Variants in ACADS observed in about 807,000 individuals in gnomAD.
ACADS encodes the protein short-chain specific acyl-CoA dehydrogenase, mitochondrial.
ACADS carries 28 observed loss-of-function variants against 46.8 expected under a neutral mutation model. That is an observed-to-expected ratio of 0.60 (90% CI 0.44 to 0.82). ACADS has a LOEUF of 0.82. Ranked by LOEUF, ACADS falls within the 40% of genes least tolerant of loss-of-function variation. The pLI, the probability that ACADS is intolerant of heterozygous loss-of-function variation, is 0.00. For synonymous variants in ACADS, 236 were observed against 237.7 expected, an observed-to-expected ratio of 0.99 and a Z score of 0.07; for missense variants, 528 against 578.0, an observed-to-expected ratio of 0.91 and a Z score of 0.89.
chr12:120,733,623 G>C (rs1314369586), intron 2 of ACADS, among the ~76,000 whole-genome samples: 2 of 141,038 alleles, frequency 1.4e-5, no homozygotes, highest in Non-Finnish European at 3.2e-5. Context: ...CCTATTCTGA[G>C]CAGGACCCCC....
rs368469075 is a variant in ACADS at position 120,739,304 on chromosome 12, G to T, written c.1095G>T (p.Gln365His). 1.3e-4 allele frequency: 207 copies of T among 1,612,950 alleles called. No homozygotes were observed. Among genetic ancestry groups the T allele is most frequent in the Non-Finnish European group, 1.7e-4 (199 of 1,179,956 alleles). The change falls in exon 10 of 10, where the codon CAG becomes CAT. Residue 365 changes from glutamine to histidine, a missense_variant. Physicochemically the swap from Gln to His is conservative, Grantham distance 24 (BLOSUM62 0). Coordinates refer to ENST00000242592, the MANE Select transcript of ACADS (RefSeq NM_000017.4). ...AATAISHQAIQILGGMGYVTE... is the reference protein window; with the variant it reads ...AATAISHQAIHILGGMGYVTE... ...CACTGTTCTCATCTCAGGCCATCCA[G>T]ATCCTGGGCGGCATGGGCTACGTGA... is the stretch of plus-strand genomic sequence containing the variant.
At chr12:120,736,582 G>A (rs1212428666) in intron 2 of ACADS, among the ~76,000 whole-genome samples, 2 of 152,348 alleles carry the variant, frequency 1.3e-5, no homozygotes, top group African/African-American at 4.8e-5. Flanking sequence ...CTGAGGGATA[G>A]GAGGTGGCAT....
rs756508815 is a variant in ACADS, at chr12:120,738,924, A to G, written c.1029+9A>G. The G allele has an allele frequency of 6.2e-7, 1 of 1,613,328 alleles. No homozygotes were observed. Among genetic ancestry groups the G allele is most frequent in the South Asian group, 1.1e-5 (1 of 91,066 alleles). Reference sequence around the variant, plus strand: ...AGAAGCCTTTCATCAAGGTGCCCACAGGGGTCCCCGAGCCATGGCCCAGAA... The same window carrying G: ...AGAAGCCTTTCATCAAGGTGCCCACGGGGGTCCCCGAGCCATGGCCCAGAA... On this transcript the variant is annotated intron_variant, in intron 8 of 9. Transcript: ENST00000242592.
At position 120,738,897 on chromosome 12, in the gene ACADS, C is replaced by A. The variant is rs200346345; in HGVS notation, c.1011C>A (p.Asn337Lys). The A allele has an allele frequency of 1.2e-6, 2 of 1,613,720 alleles. No individual in the cohort carries two copies. The highest frequency in any genetic ancestry group is 1.7e-6 in the Non-Finnish European group (2 of 1,180,018). ...GGCGCGCTGCCATGCTGAAGGATAACAAGAAGCCTTTCATCAAGGTGCCCA... is the reference window on the plus strand; with the variant it reads ...GGCGCGCTGCCATGCTGAAGGATAAAAAGAAGCCTTTCATCAAGGTGCCCA... ...LTWRAAMLKD[N>K]KKPFIKEAAM... Residue 337 changes from asparagine to lysine, a missense_variant, in exon 8 of 10, where the codon AAC becomes AAA. Transcript: ENST00000242592.
chr12:120,733,522 C>T (rs1024687370), intron 2 of ACADS, among the ~76,000 whole-genome samples: 4 of 139,050 alleles, frequency 2.9e-5, no homozygotes, highest in Non-Finnish European at 6.6e-5. Flanking sequence ...ACTTCCCCTT[C>T]CCTAGTTGGT....
chr12:120,727,101 T>G lies in ACADS; in HGVS notation c.122T>G (p.Leu41Trp), dbSNP rs753707633. 1.2e-6 allele frequency: 2 copies of G among 1,614,174 alleles called. No homozygotes were observed. The highest frequency in any genetic ancestry group is 1.7e-6 in the Non-Finnish European group (2 of 1,179,994). Residue 41 changes from leucine (L) to tryptophan (W), a missense_variant, in exon 2 of 10, where the codon TTG (leucine) becomes TGG (tryptophan). Physicochemically the swap from Leu to Trp is moderately conservative, Grantham distance 61 (BLOSUM62 -2). Transcript: ENST00000242592. ...GAACTGCCCGAGACACACCAGATGT[T>G]GCTCCAGACATGCCGGGACTTTGCC... ...SVELPETHQM[L>W]LQTCRDFAEK...
chr12:120,737,412 G>C lies in ACADS; in HGVS notation c.417G>C (p.Trp139Cys), dbSNP rs149107232. 39 of 1,614,194 alleles carry C rather than the reference G, an allele frequency of 2.4e-5. No individual in the cohort carries two copies. Among genetic ancestry groups the C allele is most frequent in the Middle Eastern group, 1.6e-4 (1 of 6,062 alleles). The change falls in exon 4 of 10, where the codon TGG (tryptophan) becomes TGC (cysteine). Residue 139 changes from tryptophan to cysteine, a missense_variant. Trp to Cys is a radical substitution (Grantham distance 215). Coordinates refer to ENST00000242592, the MANE Select transcript of ACADS (RefSeq NM_000017.4). ...KFGSKEQKQA[W>C]VTPFTSGDKI... ...GCTCCAAGGAGCAGAAGCAGGCGTG[G>C]GTCACGCCTTTCACCAGTGGTGACA...
intron 2 of ACADS, among the ~76,000 whole-genome samples, chr12:120,735,865 C>G (rs1284925864): frequency 1.3e-5 from 2 of 151,792 alleles, no homozygotes; most frequent in Non-Finnish European, 1.5e-5. Flanking sequence ...CACTACTGCA[C>G]TCCAGCCTGG....
chr12:120,739,033 A>G (rs1883562604), intron 8 of ACADS, 107 bp from the exon 9 acceptor site: 2 of 1,584,308 alleles, frequency 1.3e-6, no homozygotes, highest in Admixed American at 1.7e-5. Context: ...CCTGGGGTTT[A>G]CAGCCCCATG....
At chr12:120,737,656 G>A (rs971181330) in intron 4 of ACADS, 181 bp from the exon 5 acceptor site, 7 of 1,083,458 alleles carry the variant, frequency 6.5e-6, no homozygotes, top group South Asian at 5.8e-5. Flanking sequence ...GGTTTAAGAC[G>A]CCAGCTCCTG....
intron 2 of ACADS, among the ~76,000 whole-genome samples, chr12:120,734,097 CCTT>C (rs758346213): frequency 5.3e-5 from 8 of 152,296 alleles, no homozygotes; most frequent in Non-Finnish European, 1.0e-4. Context: ...CGTCACCTCT[CCTT>C]CTCTGAGTCT....
Position 120,729,216 on chromosome 12 carries a change from G to A in ACADS, c.210+2027G>A, listed in dbSNP as rs145308418. ...TAGGTCAGAAACGATGGACAAACCC[G>A]AACCCATTTTTTTCCCTTGACTGCT... On this transcript the variant is annotated intron_variant, in intron 2 of 9. Coordinates refer to ENST00000242592, the MANE Select transcript of ACADS (RefSeq NM_000017.4). Among the ~76,000 whole-genome samples, 444 of 151,880 alleles carry A rather than the reference G, an allele frequency of 2.9e-3. 2 individuals are homozygous for A. Among genetic ancestry groups the A allele is most frequent in the Middle Eastern group, 0.01 (3 of 292 alleles).
chr12:120,738,103 G>A lies in ACADS; in HGVS notation c.624+115G>A, dbSNP rs554484866. On this transcript the variant is annotated intron_variant, in intron 5 of 9. Transcript: ENST00000242592. ...ATTTTTGCTCTGGGGCAAGTGGGCT[G>A]TCCCTGTCCCTCCTCAGCTGCCACT... 5.7e-6 allele frequency: 9 copies of A among 1,573,990 alleles called. No individual in the cohort carries two copies. In the South Asian group the frequency reaches 8.0e-5, roughly 14 times the overall value.
chr12:120,726,100 C>T (rs1883074801), intron 1 of ACADS, among the ~76,000 whole-genome samples, 169 bp downstream of exon 1: 1 of 150,710 alleles, frequency 6.6e-6, no homozygotes, highest in African/African-American at 2.4e-5. Context: ...CCCAGCCCGG[C>T]CCTTCAGGCG....
Position 120,737,025 on chromosome 12 carries a change from G to T in ACADS, c.250G>T (p.Val84Leu), listed in dbSNP as rs751283667. The change falls in exon 3 of 10, where the codon GTG becomes TTG. Residue 84 changes from valine to leucine, a missense_variant. Transcript: ENST00000242592. ...MGGLGLLAMD[V>L]PEELGGAGLD... is the part of the protein sequence containing the mutation. ...CGGGCTTGGGCTTCTGGCCATGGAC[G>T]TGCCCGAGGAGCTTGGCGGTGCTGG... The T allele has an allele frequency of 6.2e-7, 1 of 1,610,768 alleles. No individual in the cohort carries two copies. The highest frequency in any genetic ancestry group is 8.5e-7 in the Non-Finnish European group (1 of 1,178,914).
At chr12:120,733,233 C>CT (rs1566025500) in intron 2 of ACADS, among the ~76,000 whole-genome samples, 13 of 150,854 alleles carry the variant, frequency 8.6e-5, no homozygotes, top group African/African-American at 3.2e-4. Context: ...AGAGGGAGAC[C>CT]GGGGGGAGAG....
Position 120,725,912 on chromosome 12 carries a change from C to T in ACADS, c.27C>T (p.Ala9=). The change falls in exon 1 of 10, where the codon GCC becomes GCT. Residue 9 remains alanine (A), a synonymous_variant. Transcript: ENST00000242592. MAAALLAR[A]SGPARRALCP... ...TGGCCGCCGCGCTGCTCGCCCGGGCCTCGGGCCCTGCCCGCAGAGGTGAGT... is the reference window on the plus strand; with the variant it reads ...TGGCCGCCGCGCTGCTCGCCCGGGCTTCGGGCCCTGCCCGCAGAGGTGAGT... The T allele has an allele frequency of 1.3e-6, 2 of 1,557,032 alleles. No individual in the cohort carries two copies. The highest frequency in any genetic ancestry group is 1.7e-6 in the Non-Finnish European group (2 of 1,160,852).
Position 120,728,799 on chromosome 12 carries a change from A to G in ACADS, c.210+1610A>G, listed in dbSNP as rs1488185737. ...TGGGATTACAGGCGTGAGCCACCACACCCGGCCTTAAAAATGAGTTTTAAA... is the reference window on the plus strand; with the variant it reads ...TGGGATTACAGGCGTGAGCCACCACGCCCGGCCTTAAAAATGAGTTTTAAA... On this transcript the variant is annotated intron_variant, in intron 2 of 9. Transcript: ENST00000242592. This position sits in a 1 kb window ranked among gnomAD's most constrained non-coding sequence, Gnocchi z 4.0. Among the ~76,000 whole-genome samples the G allele has an allele frequency of 6.6e-6, 1 of 151,888 alleles. No homozygotes were observed. Among genetic ancestry groups the G allele is most frequent in the Non-Finnish European group, 1.5e-5 (1 of 67,984 alleles).
chr12:120,739,016 G>A (rs1177110883), intron 8 of ACADS, 101 bp downstream of exon 8: 4 of 1,588,442 alleles, frequency 2.5e-6, no homozygotes, highest in Non-Finnish European at 3.5e-6. Context: ...TGGGTCAGAG[G>A]TGTGGGCCTG....
Sources: allele counts gnomAD v4.1 joint callset (sites outside exome capture counted in the v4.1 genomes callset), GRCh38; gene constraint gnomAD v4.1.1; non-coding constraint Gnocchi (gnomAD v3.1); transcripts MANE v1.5; gene names NCBI Gene and HGNC (gene_info 2026-07-23, HGNC 2026-07-21).